SRBD1: variants seen among roughly 807,000 people sequenced by gnomAD.
SRBD1 encodes the protein S1 RNA binding domain 1, also known as S1 RNA-binding domain-containing protein 1.
SRBD1 carries 88 observed loss-of-function variants against 115.3 expected under a neutral mutation model. The observed-to-expected ratio is 0.76, with a 90% CI of 0.64 to 0.91. The LOEUF is 0.91. Among genes scored for constraint, SRBD1 ranks in the 40% least tolerant of loss-of-function variants. The pLI is 0.00. For missense variants in SRBD1, 1,385 were observed against 1,177.4 expected (o/e 1.18, Z -2.58); for synonymous variants, 509 against 407.7 (o/e 1.25, Z -2.99).
At chr2:45,528,732 G>C (rs775434325) in intron 14 of SRBD1, among the ~76,000 whole-genome samples, 6 of 151,872 alleles carry the variant, frequency 4.0e-5, no homozygotes, top group Non-Finnish European at 8.8e-5. Flanking sequence ...GACAAAGCGG[G>C]TGAGGAAAAT....
intron 4 of SRBD1, among the ~76,000 whole-genome samples, chr2:45,594,725 T>C (rs1436748924): frequency 1.3e-5 from 2 of 152,170 alleles, no homozygotes; most frequent in African/African-American, 4.8e-5. Context: ...ATAGACCCTA[T>C]GTTCCATAGA....
At chr2:45,479,780 T>C (rs1257434128) in intron 15 of SRBD1, among the ~76,000 whole-genome samples, 3 of 152,208 alleles carry the variant, frequency 2.0e-5, no homozygotes, top group Admixed American at 6.5e-5. Context: ...GTAAACAAAA[T>C]AGCCTTCTCT....
chr2:45,568,655 T>A (rs755037191), intron 9 of SRBD1, among the ~76,000 whole-genome samples: 11 of 152,170 alleles, frequency 7.2e-5, no homozygotes, highest in Non-Finnish European at 1.3e-4. Flanking sequence ...CTACACACAC[T>A]AGTTAAAATG....
intron 19 of SRBD1, among the ~76,000 whole-genome samples, chr2:45,399,887 C>T (rs1248380014): frequency 6.6e-6 from 1 of 152,012 alleles, no homozygotes; most frequent in Non-Finnish European, 1.5e-5. Flanking sequence ...GGATTAGTGC[C>T]TGTGAATGTT....
At chr2:45,559,789 T>C (rs1672601952) in intron 10 of SRBD1, among the ~76,000 whole-genome samples, 1 of 152,182 alleles carries the variant, frequency 6.6e-6, no homozygotes, top group Non-Finnish European at 1.5e-5. Flanking sequence ...AGAAAAAGTT[T>C]CAGGCCGGGC....
rs570869933 is a variant in SRBD1, at chr2:45,559,429, T to C, written c.1409+3224A>G. 3.3e-5 allele frequency among the ~76,000 whole-genome samples: 5 copies of C among 152,326 alleles called. No homozygotes were observed. In the East Asian group the frequency reaches 9.6e-4, roughly 29 times the overall value. ...CAAGTCCACACTACTCAGGGCTCTG[T>C]TACAAGCACTTTTCTTCTTCTTACT... On this transcript the variant is annotated intron_variant, in intron 10 of 20. Coordinates refer to ENST00000263736, the MANE Select transcript of SRBD1 (RefSeq NM_018079.5).
chr2:45,432,975 T>C (rs1368757420), intron 16 of SRBD1, among the ~76,000 whole-genome samples: 2 of 152,196 alleles, frequency 1.3e-5, no homozygotes, highest in African/African-American at 4.8e-5. Flanking sequence ...CTATTATTTT[T>C]TTAAAGTCCT....
chr2:45,545,898 T>C lies in SRBD1; in HGVS notation c.1874+834A>G, dbSNP rs577300827. 2.6e-4 allele frequency among the ~76,000 whole-genome samples: 39 copies of C among 152,344 alleles called. No homozygotes were observed. In the South Asian group the frequency reaches 7.9e-3, roughly 31 times the overall value. ...CCTACACAAATCCTAGAATTCTTCC[T>C]GTGTTAGGTTTTACTTTCTGTTACT... On this transcript the variant is annotated intron_variant, in intron 14 of 20. Coordinates refer to ENST00000263736, the MANE Select transcript of SRBD1 (RefSeq NM_018079.5).
At chr2:45,455,035 C>T (rs1013487284) in intron 16 of SRBD1, among the ~76,000 whole-genome samples, 1 of 151,762 alleles carries the variant, frequency 6.6e-6, no homozygotes, top group African/African-American at 2.4e-5. Flanking sequence ...CTCTTAAAAT[C>T]TCCTTGTGTA....
chr2:45,579,832 A>C (rs757660949), intron 7 of SRBD1, 43 bp downstream of exon 7: 1 of 1,475,312 alleles, frequency 6.8e-7, no homozygotes, highest in African/African-American at 1.4e-5. Flanking sequence ...ATTAAAAAAA[A>C]AAAAAAAGAA....
At chr2:45,599,964 A>T in intron 3 of SRBD1, 129 bp from the exon 4 acceptor site, 2 of 1,123,696 alleles carry the variant, frequency 1.8e-6, no homozygotes, top group South Asian at 3.3e-5. Flanking sequence ...CAAGTAAATT[A>T]TGTTGAGTGG....
intron 18 of SRBD1, among the ~76,000 whole-genome samples, chr2:45,414,878 G>C (rs969078385): frequency 5.6e-5 from 8 of 142,542 alleles, no homozygotes; most frequent in Non-Finnish European, 1.2e-4. Context: ...ACACAATATA[G>C]TGTGTATATA....
intron 16 of SRBD1, among the ~76,000 whole-genome samples, chr2:45,439,104 TACAC>T (rs1668585076): frequency 6.6e-6 from 1 of 151,844 alleles, no homozygotes; most frequent in African/African-American, 2.4e-5. Flanking sequence ...CACACACACA[TACAC>T]ACACCACAAC....
At chr2:45,540,105 G>A (rs1043436410) in intron 14 of SRBD1, among the ~76,000 whole-genome samples, 2 of 152,194 alleles carry the variant, frequency 1.3e-5, no homozygotes, top group African/African-American at 4.8e-5. Context: ...CACTTTGGGA[G>A]GCCATGGCAG....
Position 45,573,959 on chromosome 2 carries a change from G to A in SRBD1, c.1170-617C>T, listed in dbSNP as rs531572888. ...ACAGCTAGATATGTGGAGGGAGAGA[G>A]AGGAAGAACAAACCTCTAGCAGAAA... On this transcript the variant is annotated intron_variant, in intron 8 of 20. Coordinates refer to ENST00000263736, the MANE Select transcript of SRBD1 (RefSeq NM_018079.5). Among the ~76,000 whole-genome samples the A allele has an allele frequency of 3.9e-5, 6 of 152,264 alleles. No individual in the cohort carries two copies. In the East Asian group the frequency reaches 7.7e-4, roughly 20 times the overall value.
At chr2:45,605,977 C>T (rs895048580) in intron 1 of SRBD1, among the ~76,000 whole-genome samples, 3 of 150,838 alleles carry the variant, frequency 2.0e-5, no homozygotes, top group Non-Finnish European at 4.4e-5. Context: ...AGAGTATGGG[C>T]CATCTTTTAA....
At chr2:45,446,859 A>T (rs1312338210) in intron 16 of SRBD1, among the ~76,000 whole-genome samples, 1 of 152,150 alleles carries the variant, frequency 6.6e-6, no homozygotes, top group East Asian at 1.9e-4. Flanking sequence ...ATCATTAAGG[A>T]AAAAATATTT....
At chr2:45,439,981 C>T (rs1325467514) in intron 16 of SRBD1, among the ~76,000 whole-genome samples, 1 of 152,074 alleles carries the variant, frequency 6.6e-6, no homozygotes, top group East Asian at 1.9e-4. Context: ...AGATGTCCTC[C>T]CCAGATGTCT....
At chr2:45,483,596 A>T (rs1670029307) in intron 15 of SRBD1, among the ~76,000 whole-genome samples, 1 of 152,148 alleles carries the variant, frequency 6.6e-6, no homozygotes. Context: ...TGCTTAAAAG[A>T]CTATACTGAA....
Sources: gnomAD v4.1 joint callset for allele counts (sites outside exome capture counted in the v4.1 genomes callset) on GRCh38, gnomAD v4.1.1 for gene constraint, MANE v1.5 for transcripts, NCBI Gene and HGNC (gene_info 2026-07-23, HGNC 2026-07-21) for gene names.